Variants in FBXL7 observed in about 807,000 individuals in gnomAD.
The protein encoded by FBXL7 is F-box/LRR-repeat protein 7.
In FBXL7, 12 loss-of-function variants were observed where a neutral mutation model predicts 38.3. That is an observed-to-expected ratio of 0.31 (90% CI 0.20 to 0.51). The LOEUF is 0.51. FBXL7 is among the 20% of genes least tolerant of loss of function. The pLI, the probability that FBXL7 is intolerant of heterozygous loss-of-function variation, is 0.98. For missense variants in FBXL7, 567 were observed against 676.4 expected (o/e 0.84, Z 1.79); for synonymous variants, 297 against 300.9 (o/e 0.99, Z 0.13).
chr5:15,797,061 A>G (rs1737434562), intron 2 of FBXL7, among the ~76,000 whole-genome samples: 1 of 152,256 alleles, frequency 6.6e-6, no homozygotes, highest in Non-Finnish European at 1.5e-5. Context: ...TTATTTGTAG[A>G]TAGTCTGAAC....
intron 2 of FBXL7, among the ~76,000 whole-genome samples, chr5:15,749,070 C>T (rs1484892023): frequency 6.6e-6 from 1 of 151,772 alleles, no homozygotes; most frequent in Non-Finnish European, 1.5e-5. Context: ...CATGCTGAAA[C>T]CCTGTCTCTA....
chr5:15,913,926 A>T (rs148244781), intron 2 of FBXL7, among the ~76,000 whole-genome samples: 24 of 152,110 alleles, frequency 1.6e-4, no homozygotes, highest in African/African-American at 5.1e-4. Flanking sequence ...TGCGTGACTT[A>T]GTTCGGGGGT....
At chr5:15,820,088 C>T (rs1325555672) in intron 2 of FBXL7, among the ~76,000 whole-genome samples, 2 of 152,170 alleles carry the variant, frequency 1.3e-5, no homozygotes, top group African/African-American at 4.8e-5. Context: ...AACATGGAGT[C>T]CTTGTTTGTT....
intron 2 of FBXL7, among the ~76,000 whole-genome samples, chr5:15,806,292 C>T (rs1410424921): frequency 6.6e-6 from 1 of 152,032 alleles, no homozygotes; most frequent in Non-Finnish European, 1.5e-5. Context: ...GAAAAGTTAA[C>T]TCCCCAAATG....
chr5:15,830,429 A>T (rs986175743), intron 2 of FBXL7, among the ~76,000 whole-genome samples: 1 of 151,666 alleles, frequency 6.6e-6, no homozygotes, highest in African/African-American at 2.4e-5. Context: ...GGTTGCAGTG[A>T]GCCGAGATCA....
chr5:15,798,853 T>G (rs1737483782), intron 2 of FBXL7, among the ~76,000 whole-genome samples: 1 of 152,178 alleles, frequency 6.6e-6, no homozygotes, highest in Non-Finnish European at 1.5e-5. Context: ...ATTCATTTTT[T>G]TTCTAACTTT....
chr5:15,851,018 T>C (rs1327602659), intron 2 of FBXL7, among the ~76,000 whole-genome samples: 4 of 152,202 alleles, frequency 2.6e-5, no homozygotes, highest in African/African-American at 9.6e-5. Flanking sequence ...CAGGCTCAGC[T>C]GAGTGCTCAT....
intron 1 of FBXL7, among the ~76,000 whole-genome samples, chr5:15,518,756 C>T (rs1348646598): frequency 6.6e-6 from 1 of 152,070 alleles, no homozygotes; most frequent in Non-Finnish European, 1.5e-5. Flanking sequence ...TGAATCAGGC[C>T]CTTCGTCTCT....
intron 2 of FBXL7, among the ~76,000 whole-genome samples, chr5:15,642,737 G>A (rs931661797): frequency 6.6e-6 from 1 of 152,150 alleles, no homozygotes; most frequent in Non-Finnish European, 1.5e-5. Context: ...GGGAAGCAGG[G>A]TAGGTGGGAA....
chr5:15,683,178 C>A (rs1742905226), intron 2 of FBXL7, among the ~76,000 whole-genome samples: 1 of 152,112 alleles, frequency 6.6e-6, no homozygotes, highest in Admixed American at 6.6e-5. Context: ...TCTCTGGAGA[C>A]CTAAAACTTG....
Position 15,827,498 on chromosome 5 carries a change from G to A in FBXL7, c.128-100392G>A, listed in dbSNP as rs571573310. ...TAATTTATCATAAACAAATTTATTG[G>A]TTCAAAGTTCTTTAGTCTGGGAAGT... On this transcript the variant is annotated intron_variant, in intron 2 of 3. Transcript: ENST00000504595. Among the ~76,000 whole-genome samples, 9 of 152,224 alleles carry A rather than the reference G, an allele frequency of 5.9e-5. No homozygotes were observed. The East Asian group carries it at 1.2e-3, about 20-fold the overall frequency.
chr5:15,556,005 CT>C (rs1269369920), intron 1 of FBXL7, among the ~76,000 whole-genome samples: 1 of 141,196 alleles, frequency 7.1e-6, no homozygotes, highest in African/African-American at 2.8e-5. Context: ...ATCTATCTAT[CT>C]ATCTATCTAT....
At chr5:15,519,213 G>A (rs556321749) in intron 1 of FBXL7, among the ~76,000 whole-genome samples, 13 of 152,162 alleles carry the variant, frequency 8.5e-5, no homozygotes, top group African/African-American at 2.2e-4. Context: ...GTGTGGTGGC[G>A]TGTGCCTGTC....
At chr5:15,551,405 A>G (rs1017854331) in intron 1 of FBXL7, among the ~76,000 whole-genome samples, 6 of 152,252 alleles carry the variant, frequency 3.9e-5, no homozygotes, top group Non-Finnish European at 8.8e-5. Context: ...TTATTTCTGC[A>G]TAATTATCCA....
intron 2 of FBXL7, among the ~76,000 whole-genome samples, chr5:15,886,481 T>C (rs1740683806): frequency 1.3e-5 from 2 of 152,194 alleles, no homozygotes; most frequent in South Asian, 2.1e-4. Context: ...GCATTTCCTT[T>C]CTCAGAAGTA....
intron 2 of FBXL7, among the ~76,000 whole-genome samples, chr5:15,785,980 C>A (rs959910905): frequency 6.6e-6 from 1 of 152,164 alleles, no homozygotes; most frequent in Non-Finnish European, 1.5e-5. Flanking sequence ...GAACAGTATT[C>A]AAATTGGAAT....
chr5:15,526,980 C>A (rs974135792), intron 1 of FBXL7, among the ~76,000 whole-genome samples: 1 of 152,196 alleles, frequency 6.6e-6, no homozygotes, highest in East Asian at 1.9e-4. Context: ...AATCTCCATT[C>A]TTTCAAGGTT....
intron 2 of FBXL7, among the ~76,000 whole-genome samples, chr5:15,648,036 A>G (rs1031177145): frequency 6.6e-6 from 1 of 152,246 alleles, no homozygotes; most frequent in Admixed American, 6.5e-5. Flanking sequence ...ACTTGCCGCC[A>G]GCACACATAT....
intron 3 of FBXL7, among the ~76,000 whole-genome samples, chr5:15,934,426 A>G (rs1211166356): frequency 3.3e-5 from 5 of 152,064 alleles, no homozygotes; most frequent in Non-Finnish European, 7.4e-5. Context: ...TTATAGAGTA[A>G]TATATAGAGA....
Sources: allele counts gnomAD v4.1 joint callset (sites outside exome capture counted in the v4.1 genomes callset), GRCh38; gene constraint gnomAD v4.1.1; transcripts MANE v1.5; gene names NCBI Gene and HGNC (gene_info 2026-07-23, HGNC 2026-07-21).